The following NSMAF variants were observed in gnomAD, a reference collection of about 807,000 sequenced individuals.
The protein encoded by NSMAF is protein FAN.
A neutral mutation model predicts 134.9 loss-of-function variants in NSMAF; 90 were observed. The ratio of observed to expected loss-of-function variants is 0.67; its 90% CI spans 0.56 to 0.79. The LOEUF (loss-of-function observed/expected upper bound fraction) is 0.79. NSMAF is among the 30% of genes least tolerant of loss of function. NSMAF has a pLI of 0.00. For synonymous variants in NSMAF, 358 were observed against 389.6 expected (o/e 0.92, Z 0.96); for missense variants, 1,010 against 1,119.0 (o/e 0.90, Z 1.39).
At chr8:58,592,054 TG>T (rs1806033552) in intron 23 of NSMAF, among the ~76,000 whole-genome samples, 1 of 152,194 alleles carries the variant, frequency 6.6e-6, no homozygotes, top group African/African-American at 2.4e-5. Flanking sequence ...AACAGAAGAA[TG>T]AACACAGTAT....
intron 9 of NSMAF, among the ~76,000 whole-genome samples, chr8:58,614,200 T>C (rs1345222843): frequency 6.6e-6 from 1 of 152,190 alleles, no homozygotes; most frequent in Non-Finnish European, 1.5e-5. Context: ...TGTATTAGGC[T>C]GACTTGTCTC....
rs1160540474 is a variant in NSMAF at position 58,586,688 on chromosome 8, G to A, written c.2296-80C>T. 25 of 1,143,662 alleles carry A rather than the reference G, an allele frequency of 2.2e-5. No individual in the cohort carries two copies. The South Asian group carries it at 3.2e-4, about 15-fold the overall frequency. The allele number at this position is 1,143,662 out of a possible 1,614,324, so 70.8% of individuals were successfully genotyped here. ...TGTTTCTCTAGTCTGGTTCAAATATGTAGTCATCATGATATAAATTAAACT... is the reference window on the plus strand; with the variant it reads ...TGTTTCTCTAGTCTGGTTCAAATATATAGTCATCATGATATAAATTAAACT... On this transcript the variant is annotated intron_variant, in intron 27 of 30. Transcript: ENST00000038176.
At chr8:58,648,971 G>A (rs1014296836) in intron 1 of NSMAF, among the ~76,000 whole-genome samples, 1 of 152,228 alleles carries the variant, frequency 6.6e-6, no homozygotes. Flanking sequence ...TTATGAGAAG[G>A]GGGCCACCTG....
intron 1 of NSMAF, among the ~76,000 whole-genome samples, chr8:58,650,816 A>C (rs1254904467): frequency 1.3e-5 from 2 of 152,236 alleles, no homozygotes; most frequent in African/African-American, 4.8e-5. Context: ...GATAAATTAA[A>C]ACTTTAAGAA....
chr8:58,619,698 T>C (rs2129143820), intron 9 of NSMAF, among the ~76,000 whole-genome samples: 1 of 152,076 alleles, frequency 6.6e-6, no homozygotes, highest in East Asian at 1.9e-4. Flanking sequence ...CCATCACAAA[T>C]ATGAAGTACT....
At chr8:58,584,229 G>C (rs764171444) in intron 30 of NSMAF, 29 bp from the exon 31 acceptor site, 1 of 1,562,838 alleles carries the variant, frequency 6.4e-7, no homozygotes, top group South Asian at 1.1e-5. Context: ...GGTTAGTTAG[G>C]AAGTTGACCA....
chr8:58,647,186 G>T (rs1284594377), intron 1 of NSMAF, among the ~76,000 whole-genome samples: 3 of 152,216 alleles, frequency 2.0e-5, no homozygotes, highest in Non-Finnish European at 4.4e-5. Flanking sequence ...CTTTCGTGAT[G>T]TGTGCAGAGG....
chr8:58,596,160 G>A (rs1315904724), intron 21 of NSMAF, among the ~76,000 whole-genome samples: 1 of 152,212 alleles, frequency 6.6e-6, no homozygotes, highest in Non-Finnish European at 1.5e-5. Context: ...TTACAGCCTG[G>A]TGACTAAGCA....
At position 58,642,978 on chromosome 8, in the gene NSMAF, C is replaced by G; in HGVS notation, c.149+6G>C. ...TTTGTCCAAGGAGATACCGAAGCTTCCTTACCTTTCATGGTGACTGCCCTT... is the reference window on the plus strand; with the variant it reads ...TTTGTCCAAGGAGATACCGAAGCTTGCTTACCTTTCATGGTGACTGCCCTT... On this transcript the variant is annotated splice_donor_region_variant and intron_variant, in intron 2 of 30. Coordinates refer to ENST00000038176, the MANE Select transcript of NSMAF (RefSeq NM_003580.4). 6.2e-7 allele frequency: 1 copy of G among 1,605,812 alleles called. No homozygotes were observed. Among genetic ancestry groups the G allele is most frequent in the Non-Finnish European group, 8.5e-7 (1 of 1,172,488 alleles).
chr8:58,603,271 G>T lies in NSMAF; in HGVS notation c.984C>A (p.Asn328Lys). Reference protein sequence around the residue: ...HLNNLADRSCNDLSQYPVFPW... With the variant: ...HLNNLADRSCKDLSQYPVFPW... ...GAAACACAGGGTACTGGGAGAGGTC[G>T]TTGCAGCTGCGGTCGGCCAGGTTGT... Residue 328 changes from asparagine to lysine, a missense_variant, in exon 13 of 31, where the codon AAC becomes AAA. By Grantham distance (94) the Asn-to-Lys change is moderately conservative (BLOSUM62 0). Coordinates refer to ENST00000038176, the MANE Select transcript of NSMAF (RefSeq NM_003580.4). The T allele has an allele frequency of 6.2e-7, 1 of 1,614,198 alleles. No individual in the cohort carries two copies. The highest frequency in any genetic ancestry group is 8.5e-7 in the Non-Finnish European group (1 of 1,180,046).
chr8:58,625,022 T>A (rs1404807373), intron 6 of NSMAF, among the ~76,000 whole-genome samples: 2 of 152,154 alleles, frequency 1.3e-5, no homozygotes, highest in African/African-American at 4.8e-5. Flanking sequence ...TATCCCTGGG[T>A]GTATCTGTGA....
intron 1 of NSMAF, among the ~76,000 whole-genome samples, chr8:58,648,271 G>A (rs1807507108): frequency 6.6e-6 from 1 of 152,150 alleles, no homozygotes; most frequent in South Asian, 2.1e-4. Context: ...GAACTGGTCT[G>A]GCTGCTTCTA....
At chr8:58,598,186 A>C (rs771744425) in intron 19 of NSMAF, among the ~76,000 whole-genome samples, 1 of 152,206 alleles carries the variant, frequency 6.6e-6, no homozygotes, top group African/African-American at 2.4e-5. Context: ...ATTTCCATGT[A>C]AAAAATTAGG....
At chr8:58,641,339 G>A (rs1038975520) in intron 2 of NSMAF, among the ~76,000 whole-genome samples, 21 of 152,280 alleles carry the variant, frequency 1.4e-4, no homozygotes, top group Middle Eastern at 3.4e-3. Context: ...GTTCCAAAAC[G>A]AAAGTTACAA....
In NSMAF at chr8:58,587,692, C is replaced by T. The variant is rs779072286; in HGVS notation, c.2221G>A (p.Gly741Ser). ...SWDSTVKVWS[G>S]VPAEMPGTKR... ...GTGCCTGGCATCTCTGCAGGAACACCAGACCACACCTAGGATGGAACATAT... is the reference window on the plus strand; with the variant it reads ...GTGCCTGGCATCTCTGCAGGAACACTAGACCACACCTAGGATGGAACATAT... Residue 741 changes from glycine (G) to serine (S), a missense_variant, in exon 27 of 31, where the codon GGT becomes AGT. Gly to Ser is a moderately conservative substitution (Grantham distance 56). Coordinates refer to ENST00000038176, the MANE Select transcript of NSMAF (RefSeq NM_003580.4). 1 of 1,613,882 alleles carries T rather than the reference C, an allele frequency of 6.2e-7. No homozygotes were observed. The highest frequency in any genetic ancestry group is 1.7e-5 in the Admixed American group (1 of 59,988).
In NSMAF at chr8:58,594,308, T is replaced by C; in HGVS notation, c.1893-18A>G. On this transcript the variant is annotated intron_variant, in intron 22 of 30. Coordinates refer to ENST00000038176, the MANE Select transcript of NSMAF (RefSeq NM_003580.4). ...TAACTGCTCTGCTCAAAAACAAAGT[T>C]TCACAAATTACTACTCATCATGTGT... 6.2e-7 allele frequency: 1 copy of C among 1,609,380 alleles called. No homozygotes were observed. Among genetic ancestry groups the C allele is most frequent in the Non-Finnish European group, 8.5e-7 (1 of 1,175,674 alleles).
At chr8:58,621,368 T>G (rs1043832773) in intron 9 of NSMAF, among the ~76,000 whole-genome samples, 4 of 152,158 alleles carry the variant, frequency 2.6e-5, no homozygotes, top group Non-Finnish European at 4.4e-5. Context: ...GGTATTTAGG[T>G]TGATTCTATG....
chr8:58,653,445 G>A (rs764249429), intron 1 of NSMAF, among the ~76,000 whole-genome samples: 2 of 151,082 alleles, frequency 1.3e-5, no homozygotes, highest in African/African-American at 4.9e-5. Flanking sequence ...ATAAGAAACA[G>A]GCCTAAAGCC....
In NSMAF at chr8:58,604,169, A is replaced by C. The variant is rs1394268648; in HGVS notation, c.869-783T>G. ...TCTACTTTTACCAAGTTTCTTCTTT[A>C]ATCAGCTACTAGGAAAGGGCTTCAA... On this transcript the variant is annotated intron_variant, in intron 12 of 30. Coordinates refer to ENST00000038176, the MANE Select transcript of NSMAF (RefSeq NM_003580.4). 2.0e-5 allele frequency among the ~76,000 whole-genome samples: 3 copies of C among 152,320 alleles called. No individual in the cohort carries two copies. In the South Asian group the frequency reaches 6.2e-4, roughly 32 times the overall value.
Sources: allele counts gnomAD v4.1 joint callset (sites outside exome capture counted in the v4.1 genomes callset), GRCh38; gene constraint gnomAD v4.1.1; transcripts MANE v1.5; gene names NCBI Gene and HGNC (gene_info 2026-07-23, HGNC 2026-07-21).